The following DMD variants were observed in gnomAD, a reference collection of about 807,000 sequenced individuals.
DMD encodes the protein dystrophin.
Under a neutral mutation model 330.1 loss-of-function variants are expected in DMD, and 63 were observed. That is an observed-to-expected ratio of 0.19 (90% CI 0.16 to 0.24). The LOEUF is 0.24. Among genes scored for constraint, DMD ranks in the 10% least tolerant of loss-of-function variants. DMD has a pLI of 1.00. For missense variants in DMD, 3,344 were observed against 2,684.1 expected, an observed-to-expected ratio of 1.25 and a Z score of -5.43; for synonymous variants, 1,223 against 959.8, an observed-to-expected ratio of 1.27 and a Z score of -5.07.
At chrX:33,108,881 A>AAAAAAAAAAAAAAAAAAAAG (rs1201118214) in intron 1 of DMD, among the ~76,000 whole-genome samples, 11 of 99,615 alleles carry the variant, frequency 1.1e-4, no homozygotes, top group Non-Finnish European at 2.1e-4. Flanking sequence ...AAAAAAAAAA[A>AAAAAAAAAAAAAAAAAAAAG]AAGAAGAAGA....
At chrX:31,405,179 T>C (rs2061355034) in intron 60 of DMD, among the ~76,000 whole-genome samples, 1 of 112,086 alleles carries the variant, frequency 8.9e-6, no homozygotes, top group African/African-American at 3.2e-5. Context: ...ACTACAATTA[T>C]ATCATCTGAC....
intron 62 of DMD, among the ~76,000 whole-genome samples, chrX:31,277,117 C>A (rs906023162): frequency 4.5e-5 from 5 of 110,997 alleles, no homozygotes; most frequent in African/African-American, 1.6e-4. Context: ...TATGTATACA[C>A]TGTGGAATGG....
At chrX:32,991,639 C>T (rs2092980182) in intron 2 of DMD, among the ~76,000 whole-genome samples, 1 of 111,727 alleles carries the variant, frequency 9.0e-6, no homozygotes, top group Admixed American at 9.6e-5. Context: ...TACATGTATA[C>T]TTTTTTTATT....
intron 1 of DMD, among the ~76,000 whole-genome samples, chrX:33,143,912 C>A (rs1195292173): frequency 9.0e-6 from 1 of 111,006 alleles, no homozygotes; most frequent in Non-Finnish European, 1.9e-5. Flanking sequence ...CAATCTGATG[C>A]CAAAACAAAT....
At chrX:32,704,067 C>G (rs930485968) in intron 7 of DMD, among the ~76,000 whole-genome samples, 3 of 111,600 alleles carry the variant, frequency 2.7e-5, no homozygotes, top group African/African-American at 9.8e-5. Flanking sequence ...AACAATAACA[C>G]CGTTTCTGAT....
At chrX:31,734,531 C>T (rs956091465) in intron 51 of DMD, among the ~76,000 whole-genome samples, 2 of 111,482 alleles carry the variant, frequency 1.8e-5, no homozygotes, top group African/African-American at 6.5e-5. Context: ...TAGTTATTTG[C>T]CTTTCTTTGA....
At chrX:31,256,278 A>T (rs1381392642) in intron 63 of DMD, among the ~76,000 whole-genome samples, 1 of 112,114 alleles carries the variant, frequency 8.9e-6, no homozygotes, top group African/African-American at 3.2e-5. Context: ...ATCCAAGACA[A>T]TGCTTTTGTC....
intron 46 of DMD, among the ~76,000 whole-genome samples, chrX:31,931,552 A>G (rs2094853202): frequency 9.0e-6 from 1 of 110,894 alleles, no homozygotes; most frequent in East Asian, 2.9e-4. Context: ...CTTTAAGTAG[A>G]GGCTGAAGTG....
At chrX:32,848,043 G>C (rs1306009939) in intron 3 of DMD, among the ~76,000 whole-genome samples, 1 of 111,813 alleles carries the variant, frequency 8.9e-6, no homozygotes, top group Admixed American at 9.5e-5. Flanking sequence ...TATGAAATTT[G>C]TTAACCCTGA....
At chrX:33,270,911 G>T (rs1285449600) in intron 1 of DMD, among the ~76,000 whole-genome samples, 1 of 110,751 alleles carries the variant, frequency 9.0e-6, no homozygotes, top group African/African-American at 3.3e-5. Flanking sequence ...TATTTTTATT[G>T]CTTTAAAAAT....
intron 63 of DMD, among the ~76,000 whole-genome samples, chrX:31,260,305 T>C (rs1054984600): frequency 7.1e-5 from 8 of 112,207 alleles, no homozygotes; most frequent in African/African-American, 2.3e-4. Flanking sequence ...CTTGTAGATC[T>C]AAAACGACAA....
At chrX:32,087,691 C>T (rs1420568233) in intron 44 of DMD, among the ~76,000 whole-genome samples, 2 of 111,968 alleles carry the variant, frequency 1.8e-5, no homozygotes, top group African/African-American at 3.2e-5. Flanking sequence ...CATATTCCAA[C>T]GAGGTGGAAG....
chrX:32,767,838 C>T (rs1295317145), intron 7 of DMD, among the ~76,000 whole-genome samples: 1 of 111,749 alleles, frequency 8.9e-6, no homozygotes, highest in Non-Finnish European at 1.9e-5. Flanking sequence ...ATGTGTTATA[C>T]CTGATGCTCA....
chrX:33,022,491 C>T (rs1036218320), intron 1 of DMD, among the ~76,000 whole-genome samples: 10 of 110,352 alleles, frequency 9.1e-5, no homozygotes, highest in Admixed American at 2.9e-4. Flanking sequence ...AAAATGTCTT[C>T]AATGAATTAT....
At chrX:31,192,030 T>G (rs1449269061) in intron 67 of DMD, among the ~76,000 whole-genome samples, 3 of 112,319 alleles carry the variant, frequency 2.7e-5, no homozygotes, top group Non-Finnish European at 5.6e-5. Flanking sequence ...GGTCAGACAG[T>G]ATAGGACAGG....
rs2052542265 is a variant in DMD, at chrX:33,239,210, T to C, written c.7+100049A>G. On this transcript the variant is annotated intron_variant, in intron 1 of 17. Coordinates refer to the DMD transcript ENST00000288447. ...AGGTGGAGGTTGCAGTGAGCCGAGA[T>C]CCCACCACTGCACTCCAGCCACCAC... Among the ~76,000 whole-genome samples, 3 of 87,389 alleles carry C rather than the reference T, an allele frequency of 3.4e-5. No homozygotes were observed. In the Admixed American group the frequency reaches 4.9e-4, roughly 14 times the overall value. The allele number at this position is 87,389 out of a possible 115,157, so 75.9% of individuals were successfully genotyped here. A position where few individuals can be genotyped will look rare whatever the true frequency, so the allele number is the denominator to read the frequency against.
chrX:31,469,079 G>T (rs867490560), intron 59 of DMD, among the ~76,000 whole-genome samples: 31 of 110,914 alleles, frequency 2.8e-4, no homozygotes, highest in African/African-American at 9.9e-4. Flanking sequence ...CATGAGGTGG[G>T]TCTTCTGAAT....
At chrX:31,896,536 T>C (rs1340048735) in intron 47 of DMD, among the ~76,000 whole-genome samples, 1 of 112,090 alleles carries the variant, frequency 8.9e-6, no homozygotes, top group Non-Finnish European at 1.9e-5. Flanking sequence ...TTTCTTTCTA[T>C]AATCATGTTC....
chrX:33,225,239 G>A (rs933093447), intron 1 of DMD, among the ~76,000 whole-genome samples: 20 of 111,642 alleles, frequency 1.8e-4, no homozygotes, highest in Non-Finnish European at 3.0e-4. Context: ...AAAGGCAATG[G>A]ATTTAGAATA....
Sources: allele counts gnomAD v4.1 joint callset (sites outside exome capture counted in the v4.1 genomes callset), GRCh38; gene constraint gnomAD v4.1.1; transcripts MANE v1.5; gene names NCBI Gene and HGNC (gene_info 2026-07-23, HGNC 2026-07-21).